The following RPGRIP1 variants were observed in gnomAD, a reference collection of about 807,000 sequenced individuals.
RPGRIP1 encodes the protein RPGR interacting protein 1.
In RPGRIP1, 128 loss-of-function variants were observed where a neutral mutation model predicts 157.9. The observed-to-expected ratio is 0.81, with a 90% CI of 0.70 to 0.94. RPGRIP1 has a LOEUF of 0.94. Ranked by LOEUF, RPGRIP1 falls within the 40% of genes least tolerant of loss-of-function variation. The pLI is 0.00. For missense variants in RPGRIP1, 1,486 were observed against 1,545.8 expected (o/e 0.96, Z 0.65); for synonymous variants, 554 against 571.6 (o/e 0.97, Z 0.44).
chr14:21,304,806 CTTT>C (rs879415682), intron 6 of RPGRIP1, among the ~76,000 whole-genome samples: 1 of 144,016 alleles, frequency 6.9e-6, no homozygotes, highest in Non-Finnish European at 1.5e-5. Flanking sequence ...GTTGTACATT[CTTT>C]TTTTTTTTTT....
intron 10 of RPGRIP1, among the ~76,000 whole-genome samples, chr14:21,312,773 C>G (rs1014302924): frequency 6.6e-6 from 1 of 151,646 alleles, no homozygotes; most frequent in Non-Finnish European, 1.5e-5. Flanking sequence ...ACTGCAACCT[C>G]TACCTCCCGG....
At chr14:21,320,303 T>G (rs1882262417) in intron 12 of RPGRIP1, 126 bp downstream of exon 12, 1 of 911,428 alleles carries the variant, frequency 1.1e-6, no homozygotes, top group Non-Finnish European at 1.6e-6. Context: ...ACACTCTTTT[T>G]TTTTTTGAGA....
chr14:21,289,210 C>A (rs1326538944), intron 2 of RPGRIP1, among the ~76,000 whole-genome samples: 1 of 152,072 alleles, frequency 6.6e-6, no homozygotes, highest in Non-Finnish European at 1.5e-5. Context: ...CGCCTGTAGT[C>A]CCAGCTACTC....
chr14:21,308,212 G>C (rs1236870740), intron 7 of RPGRIP1, among the ~76,000 whole-genome samples: 1 of 152,204 alleles, frequency 6.6e-6, no homozygotes, highest in Non-Finnish European at 1.5e-5. Context: ...CACTTTCTGT[G>C]AGCTGTACTC....
rs1882867675 is a variant in RPGRIP1, at chr14:21,324,716, C to A, written c.1861C>A (p.Leu621Met). ...GDEDKVDISL[L>M]HQGENLFELH... Reference sequence around the variant, plus strand: ...TGAGGATAAAGTGGATATTTCTCTGCTGCATCAGGGTGAGAATCTTTTTGA... The same window carrying A: ...TGAGGATAAAGTGGATATTTCTCTGATGCATCAGGGTGAGAATCTTTTTGA... The change falls in exon 15 of 25, where the codon CTG (leucine) becomes ATG (methionine). Residue 621 changes from leucine (L) to methionine (M), a missense_variant. Coordinates refer to ENST00000400017, the MANE Select transcript of RPGRIP1 (RefSeq NM_020366.4). The A allele has an allele frequency of 6.2e-7, 1 of 1,614,050 alleles. No individual in the cohort carries two copies. The highest frequency in any genetic ancestry group is 1.1e-5 in the South Asian group (1 of 91,092).
intron 17 of RPGRIP1, 147 bp from the exon 18 acceptor site, chr14:21,327,476 A>G (rs931884490): frequency 1.3e-5 from 9 of 670,586 alleles, no homozygotes; most frequent in Admixed American, 7.4e-5. Flanking sequence ...TGAGTGTATC[A>G]TCATCGTAAT....
chr14:21,289,142 A>G (rs1489920069), intron 2 of RPGRIP1, among the ~76,000 whole-genome samples: 2 of 152,092 alleles, frequency 1.3e-5, no homozygotes, highest in East Asian at 3.9e-4. Context: ...CCTGGCTAAC[A>G]TGGTGAAACC....
intron 1 of RPGRIP1, among the ~76,000 whole-genome samples, 82 bp downstream of exon 1, chr14:21,280,241 CTTTTT>C (rs35642254): frequency 5.5e-5 from 6 of 109,360 alleles, no homozygotes; most frequent in African/African-American, 1.7e-4. Flanking sequence ...TAAGTTTATT[CTTTTT>C]TTTTTTTTTT....
At chr14:21,309,461 A>C (rs1480999603) in intron 7 of RPGRIP1, among the ~76,000 whole-genome samples, 1 of 152,164 alleles carries the variant, frequency 6.6e-6, no homozygotes, top group Non-Finnish European at 1.5e-5. Flanking sequence ...CAGAGGTTGC[A>C]GTGAGCCGAG....
intron 22 of RPGRIP1, among the ~76,000 whole-genome samples, chr14:21,344,252 A>AT (rs1243148816): frequency 1.3e-5 from 2 of 152,020 alleles, no homozygotes; most frequent in South Asian, 2.1e-4. Flanking sequence ...CTTTACACGT[A>AT]TTTTTTGCAG....
chr14:21,343,594 G>A (rs746398399), intron 22 of RPGRIP1, among the ~76,000 whole-genome samples: 7 of 152,084 alleles, frequency 4.6e-5, no homozygotes, highest in African/African-American at 7.2e-5. Context: ...AGATTCAAGC[G>A]ATTCACGTGA....
In RPGRIP1 at chr14:21,320,111, A is replaced by G. The variant is rs184853466; in HGVS notation, c.1401A>G (p.Gln467=). Residue 467 remains glutamine, a synonymous_variant, in exon 12 of 25, where the codon CAA becomes CAG. Coordinates refer to ENST00000400017, the MANE Select transcript of RPGRIP1 (RefSeq NM_020366.4). ...TCCAAAATGCAGCCACAATTTCCCAACCTCCTGACAGGCAATCTGAACCAG... is the reference window on the plus strand; with the variant it reads ...TCCAAAATGCAGCCACAATTTCCCAGCCTCCTGACAGGCAATCTGAACCAG... ...ELLQNAATIS[Q]PPDRQSEPAT... is the part of the protein sequence containing the mutation. The G allele has an allele frequency of 2.6e-5, 42 of 1,613,560 alleles. No homozygotes were observed. The East Asian group carries it at 7.4e-4, about 28-fold the overall frequency.
intron 23 of RPGRIP1, among the ~76,000 whole-genome samples, chr14:21,346,280 T>TG (rs1448690695): frequency 1.3e-5 from 2 of 152,126 alleles, no homozygotes; most frequent in Non-Finnish European, 2.9e-5. Flanking sequence ...TCGGGTGCAG[T>TG]GGCTCACATC....
At chr14:21,281,057 C>T (rs114035262) in intron 1 of RPGRIP1, among the ~76,000 whole-genome samples, 3,535 of 150,126 alleles carry the variant, frequency 0.024, 131 homozygotes, top group African/African-American at 0.082. Context: ...CTCTCTCTCT[C>T]GTGAGGCTGG....
intron 23 of RPGRIP1, 85 bp downstream of exon 23, chr14:21,345,282 A>T: frequency 1.2e-6 from 1 of 855,082 alleles, no homozygotes; most frequent in Non-Finnish European, 1.9e-6. Context: ...GCTGATGCTG[A>T]ATATTTTAAT....
At chr14:21,305,756 G>A (rs1389149295) in intron 6 of RPGRIP1, among the ~76,000 whole-genome samples, 1 of 152,144 alleles carries the variant, frequency 6.6e-6, no homozygotes, top group Non-Finnish European at 1.5e-5. Context: ...AGCTACTTGG[G>A]AGGCTGAGGC....
chr14:21,296,286 C>T lies in RPGRIP1; in HGVS notation c.218+1477C>T, dbSNP rs376712638. 3.0e-3 allele frequency among the ~76,000 whole-genome samples: 460 copies of T among 151,838 alleles called. 2 individuals are homozygous for T. Among genetic ancestry groups the T allele is most frequent in the African/African-American group, 0.011 (441 of 41,440 alleles). The stretch of plus-strand genomic sequence containing the variant: ...CTGGCCGTGCTGCCCAGGCTGGTCT[C>T]GAACTCCTGAGCTCAGGCAATCAGC... On this transcript the variant is annotated intron_variant, in intron 3 of 24. Coordinates refer to ENST00000400017, the MANE Select transcript of RPGRIP1 (RefSeq NM_020366.4).
intron 1 of RPGRIP1, among the ~76,000 whole-genome samples, chr14:21,286,076 G>A (rs574006923): frequency 3.3e-5 from 5 of 152,114 alleles, no homozygotes; most frequent in Admixed American, 2.0e-4. Flanking sequence ...TGCAACCTCC[G>A]CCTTCCAGGT....
chr14:21,287,568 G>A (rs34002871), intron 1 of RPGRIP1, among the ~76,000 whole-genome samples: 4,571 of 152,240 alleles, frequency 0.03, 119 homozygotes, highest in Middle Eastern at 0.14. Context: ...GGACTGGATT[G>A]TAGGCTATAA....
Sources: allele counts gnomAD v4.1 joint callset (sites outside exome capture counted in the v4.1 genomes callset), GRCh38; gene constraint gnomAD v4.1.1; transcripts MANE v1.5; gene names NCBI Gene and HGNC (gene_info 2026-07-23, HGNC 2026-07-21).